The following ESF1 variants were observed in gnomAD, a reference collection of about 807,000 sequenced individuals.
ESF1 encodes the protein ESF1 homolog.
ESF1 carries 58 observed loss-of-function variants against 92.0 expected under a neutral mutation model. The observed-to-expected ratio is 0.63, with a 90% CI of 0.51 to 0.78. ESF1 has a LOEUF of 0.78. Ranked by LOEUF, ESF1 falls within the 30% of genes least tolerant of loss-of-function variation. ESF1 has a pLI of 0.00. For synonymous variants in ESF1, 321 were observed against 313.7 expected, an observed-to-expected ratio of 1.02 and a Z score of -0.24; for missense variants, 922 against 989.1, an observed-to-expected ratio of 0.93 and a Z score of 0.91.
chr20:13,770,519 A>G (rs936323059), intron 6 of ESF1, among the ~76,000 whole-genome samples: 2 of 152,104 alleles, frequency 1.3e-5, no homozygotes, highest in African/African-American at 4.8e-5. Flanking sequence ...TTTTACTTTT[A>G]AAATTTTTTG....
intron 9 of ESF1, among the ~76,000 whole-genome samples, chr20:13,758,073 A>C (rs1243082497): frequency 4.2e-5 from 1 of 23,944 alleles, no homozygotes; most frequent in African/African-American, 1.2e-4. Flanking sequence ...ACTGACACAG[A>C]GAGCTCAACC....
intron 11 of ESF1, among the ~76,000 whole-genome samples, chr20:13,723,046 T>C (rs1183198800): frequency 6.6e-6 from 1 of 152,178 alleles, no homozygotes; most frequent in Admixed American, 6.5e-5. Context: ...AATACATCCA[T>C]GGAAAAAGAT....
chr20:13,772,520 T>A lies in ESF1; in HGVS notation c.1245A>T (p.Lys415Asn). ...LLSIPEDAPEKDWTSREKLRD... is the reference protein window; with the variant it reads ...LLSIPEDAPENDWTSREKLRD... ...GTTCTATAGTGATTTAATACCAGTC[T>A]TTTTCTGGGGCATCTTCAGGAATAC... The change falls in exon 5 of 14, where the codon AAA (lysine) becomes AAT (asparagine). Residue 415 changes from lysine to asparagine, a missense_variant. Lys to Asn is a moderately conservative substitution (Grantham distance 94). Coordinates refer to ENST00000617257, the MANE Select transcript of ESF1 (RefSeq NM_001276380.2). The A allele has an allele frequency of 6.2e-7, 1 of 1,607,234 alleles. No homozygotes were observed.
rs577298986 is a variant in ESF1 at position 13,734,530 on chromosome 20, T to C, written c.1829-688A>G. 1.5e-4 allele frequency among the ~76,000 whole-genome samples: 23 copies of C among 152,290 alleles called. No individual in the cohort carries two copies. The South Asian group carries it at 4.8e-3, about 32-fold the overall frequency. Reference sequence around the variant, plus strand: ...TCTCAAAAGGTCTTTCTTCCTATAGTCTGCTGTTCCCGATTCACGTTTCTA... The same window carrying C: ...TCTCAAAAGGTCTTTCTTCCTATAGCCTGCTGTTCCCGATTCACGTTTCTA... On this transcript the variant is annotated intron_variant, in intron 9 of 13. Transcript: ENST00000617257.
rs774934930 is a variant in ESF1 at position 13,759,808 on chromosome 20, C to T, written c.1712G>A (p.Ser571Asn). The stretch of plus-strand genomic sequence containing the variant: ...AATTTGTTCTTCATCATCCTTCTGA[C>T]TTTTCTTTGTTTTCCCATCTTCTTC... ...NVEEDGKTKKSQKDDEEQIAK... is the reference protein window; with the variant it reads ...NVEEDGKTKKNQKDDEEQIAK... Residue 571 changes from serine (S) to asparagine (N), a missense_variant, in exon 9 of 14, where the codon AGT (serine) becomes AAT (asparagine). Transcript: ENST00000617257. The T allele has an allele frequency of 3.1e-6, 5 of 1,599,660 alleles. No individual in the cohort carries two copies. Among genetic ancestry groups the T allele is most frequent in the Non-Finnish European group, 4.3e-6 (5 of 1,176,270 alleles).
chr20:13,734,724 G>A (rs2147734613), intron 9 of ESF1, among the ~76,000 whole-genome samples: 1 of 151,310 alleles, frequency 6.6e-6, no homozygotes, highest in East Asian at 2.0e-4. Flanking sequence ...GTGTTTAGAG[G>A]ACATAGTTGG....
chr20:13,762,410 ATTTC>A (rs1353831345), intron 8 of ESF1, among the ~76,000 whole-genome samples: 1 of 152,184 alleles, frequency 6.6e-6, no homozygotes, highest in African/African-American at 2.4e-5. Context: ...ATGGCAAAGT[ATTTC>A]TTTCTATTAA....
chr20:13,779,112 A>G (rs1980069489), intron 2 of ESF1, among the ~76,000 whole-genome samples: 1 of 152,218 alleles, frequency 6.6e-6, no homozygotes, highest in Non-Finnish European at 1.5e-5. Flanking sequence ...AGCCTTGTGC[A>G]AGATAATGTG....
intron 3 of ESF1, among the ~76,000 whole-genome samples, chr20:13,775,537 T>C (rs1422024375): frequency 1.3e-5 from 2 of 152,206 alleles, no homozygotes; most frequent in South Asian, 2.1e-4. Flanking sequence ...CCACCAAGTT[T>C]GTTCAGCTAT....
intron 7 of ESF1, among the ~76,000 whole-genome samples, chr20:13,769,301 T>C (rs1354468621): frequency 1.3e-5 from 2 of 152,040 alleles, no homozygotes; most frequent in Non-Finnish European, 2.9e-5. Flanking sequence ...TTAGAGTGTA[T>C]AGGAAAGACA....
At chr20:13,759,653 A>T in intron 9 of ESF1, 39 bp downstream of exon 9, 1 of 1,562,446 alleles carries the variant, frequency 6.4e-7, no homozygotes, top group Non-Finnish European at 8.6e-7. Flanking sequence ...AACATGCTGA[A>T]ATTCGAAAAA....
In ESF1 at chr20:13,719,003, A is replaced by G. The variant is rs373861043; in HGVS notation, c.2039-19T>C. 1.0e-5 allele frequency: 16 copies of G among 1,573,760 alleles called. No individual in the cohort carries two copies. Among genetic ancestry groups the G allele is most frequent in the African/African-American group, 6.8e-5 (5 of 73,546 alleles). On this transcript the variant is annotated intron_variant, in intron 11 of 13. Transcript: ENST00000617257. ...TTTATACCTGGCACAACAAACCAAC[A>G]TAAGAGTGGTAAAAATTACAGGACT...
intron 4 of ESF1, among the ~76,000 whole-genome samples, chr20:13,774,382 A>C (rs558257758): frequency 6.6e-6 from 1 of 152,298 alleles, no homozygotes; most frequent in African/African-American, 2.4e-5. Context: ...AAGTATATAT[A>C]ATGCAATTTT....
chr20:13,735,621 GCACA>G (rs2049971024), intron 9 of ESF1, among the ~76,000 whole-genome samples: 1 of 152,098 alleles, frequency 6.6e-6, no homozygotes. Flanking sequence ...CCATAGGTCA[GCACA>G]CAATCAGTTC....
intron 7 of ESF1, 89 bp from the exon 8 acceptor site, chr20:13,767,013 T>C: frequency 2.4e-6 from 3 of 1,263,512 alleles, no homozygotes; most frequent in Non-Finnish European, 3.3e-6. Context: ...AACCTGGATG[T>C]TTAACAGTAA....
chr20:13,744,183 C>T (rs1486942691), intron 9 of ESF1, among the ~76,000 whole-genome samples: 2 of 152,166 alleles, frequency 1.3e-5, no homozygotes, highest in African/African-American at 4.8e-5. Context: ...ACCAGAGATA[C>T]TTAAAAATAA....
At chr20:13,783,243 T>C in intron 1 of ESF1, 60 bp from the exon 2 acceptor site, 1 of 1,006,444 alleles carries the variant, frequency 9.9e-7, no homozygotes, top group Non-Finnish European at 1.3e-6. Context: ...TTAAATGTTT[T>C]AAAACACATT....
intron 11 of ESF1, among the ~76,000 whole-genome samples, chr20:13,724,380 C>T (rs979019195): frequency 1.3e-5 from 2 of 152,162 alleles, no homozygotes; most frequent in African/African-American, 4.8e-5. Flanking sequence ...TTTAAGAGTA[C>T]CTACTACAGA....
At chr20:13,779,619 C>G (rs1400278637) in intron 2 of ESF1, among the ~76,000 whole-genome samples, 1 of 152,234 alleles carries the variant, frequency 6.6e-6, no homozygotes, top group African/African-American at 2.4e-5. Context: ...ACTGCAACCT[C>G]TACCTCCTGG....
Sources: gnomAD v4.1 joint callset for allele counts (sites outside exome capture counted in the v4.1 genomes callset) on GRCh38, gnomAD v4.1.1 for gene constraint, MANE v1.5 for transcripts, NCBI Gene and HGNC (gene_info 2026-07-23, HGNC 2026-07-21) for gene names.